The following WDR75 variants were observed in gnomAD, a reference collection of about 807,000 sequenced individuals.
WDR75 encodes WD repeat-containing protein 75.
Under a neutral mutation model 106.1 loss-of-function variants are expected in WDR75, and 52 were observed. That is an observed-to-expected ratio of 0.49 (90% CI 0.39 to 0.62). WDR75 has a LOEUF of 0.62. WDR75 is among the 20% of genes least tolerant of loss of function. The pLI, the probability that WDR75 is intolerant of heterozygous loss-of-function variation, is 0.00. For missense variants in WDR75, 905 were observed against 970.3 expected (o/e 0.93, Z 0.89); for synonymous variants, 333 against 335.5 (o/e 0.99, Z 0.08).
chr2:189,462,710 CAG>C (rs778972871), intron 9 of WDR75, 68 bp downstream of exon 9: 1 of 1,477,538 alleles, frequency 6.8e-7, no homozygotes. Context: ...CTGTAGGGAA[CAG>C]AGAATAAAGA....
chr2:189,450,295 A>G (rs113812069), intron 2 of WDR75: 1 of 985,678 alleles, frequency 1.0e-6, no homozygotes, highest in Non-Finnish European at 1.2e-6. Context: ...AATAAAACTG[A>G]GTAAGCTGAG....
rs557685788 is a variant in WDR75 at position 189,468,933 on chromosome 2, T to C, written c.1723+364T>C. On this transcript the variant is annotated intron_variant, in intron 15 of 20. Coordinates refer to ENST00000314761, the MANE Select transcript of WDR75 (RefSeq NM_032168.3). Reference sequence around the variant, plus strand: ...CCTGACAGCTTAAATTCAAATGTAGTCTATCACAGTCCTAACAAATGTGAA... The same window carrying C: ...CCTGACAGCTTAAATTCAAATGTAGCCTATCACAGTCCTAACAAATGTGAA... Among the ~76,000 whole-genome samples, 71 of 152,302 alleles carry C rather than the reference T, an allele frequency of 4.7e-4. No individual in the cohort carries two copies. In the South Asian group the frequency reaches 8.5e-3, roughly 18 times the overall value.
chr2:189,444,888 T>C (rs1257279997), intron 1 of WDR75, among the ~76,000 whole-genome samples: 5 of 152,182 alleles, frequency 3.3e-5, no homozygotes, highest in Non-Finnish European at 1.5e-5. Context: ...CTCTTGCTTA[T>C]GTTGCTATTT....
At position 189,475,148 on chromosome 2, in the gene WDR75, A is replaced by C. The variant is rs987784934; in HGVS notation, c.2289-65A>C. 20 of 1,259,644 alleles carry C rather than the reference A, an allele frequency of 1.6e-5. No homozygotes were observed. In the African/African-American group the frequency reaches 2.7e-4, roughly 17 times the overall value. The allele number at this position is 1,259,644 out of a possible 1,614,324, so 78.0% of individuals were successfully genotyped here. A position where few individuals can be genotyped will look rare whatever the true frequency, so the allele number is the denominator to read the frequency against. On this transcript the variant is annotated intron_variant, in intron 20 of 20. Transcript: ENST00000314761. ...GTGATTATATTTCTACATAGGTGTC[A>C]AATTAGAAAGTTACTGTTTAGAAAC... is the stretch of plus-strand genomic sequence containing the variant.
intron 4 of WDR75, 33 bp downstream of exon 4, chr2:189,451,928 T>C: frequency 6.5e-7 from 1 of 1,527,578 alleles, no homozygotes; most frequent in Non-Finnish European, 9.0e-7. Context: ...TATATGGCAT[T>C]GAGTGGCTCT....
At chr2:189,443,203 T>C (rs1686424375) in intron 1 of WDR75, among the ~76,000 whole-genome samples, 1 of 152,186 alleles carries the variant, frequency 6.6e-6, no homozygotes, top group Non-Finnish European at 1.5e-5. Context: ...TAAGAAGAGA[T>C]TACTTCCCAA....
rs185978959 is a variant in WDR75 at position 189,450,506 on chromosome 2, G to A, written c.217-397G>A. The stretch of plus-strand genomic sequence containing the variant: ...CCACCACGCCTGGCTAATTTTTGTA[G>A]GGGTTTCGTCATGTTGGCCAGGCTG... On this transcript the variant is annotated intron_variant, in intron 2 of 20. Coordinates refer to ENST00000314761, the MANE Select transcript of WDR75 (RefSeq NM_032168.3). 5.8e-4 allele frequency: 525 copies of A among 899,622 alleles called. No homozygotes were observed. In the African/African-American group the frequency reaches 8.9e-3, roughly 15 times the overall value. 55.7% of individuals were successfully genotyped at this position (899,622 alleles called of 1,614,324 possible).
At chr2:189,458,677 T>G in intron 6 of WDR75, 76 bp from the exon 7 acceptor site, 1 of 1,288,564 alleles carries the variant, frequency 7.8e-7, no homozygotes. Context: ...TGCTGGGAAC[T>G]CTCTTTTACT....
In WDR75 at chr2:189,469,427, G is replaced by A; in HGVS notation, c.1807G>A (p.Val603Met). ...ENIAAISQSS[V>M]GSDLFVFKPS... is the part of the protein sequence containing the mutation. ...TATTGCTGCAATCTCTCAGTCTTCA[G>A]TGGGTTCAGACTGTAAGTACAAACC... The change falls in exon 16 of 21, where the codon GTG (valine) becomes ATG (methionine). Residue 603 changes from valine (V) to methionine (M), a missense_variant. Transcript: ENST00000314761. 2 of 1,612,292 alleles carry A rather than the reference G, an allele frequency of 1.2e-6. No individual in the cohort carries two copies. The highest frequency in any genetic ancestry group is 8.5e-7 in the Non-Finnish European group (1 of 1,178,532).
intron 4 of WDR75, 119 bp from the exon 5 acceptor site, chr2:189,455,201 A>G: frequency 8.1e-7 from 1 of 1,233,184 alleles, no homozygotes; most frequent in South Asian, 1.7e-5. Context: ...AGATCACGCC[A>G]CTGCACTCCA....
At chr2:189,466,091 G>C (rs566238765) in intron 12 of WDR75, among the ~76,000 whole-genome samples, 1 of 152,208 alleles carries the variant, frequency 6.6e-6, no homozygotes, top group African/African-American at 2.4e-5. Context: ...CAGGAATCTG[G>C]GTTCTATACA....
intron 12 of WDR75, 106 bp from the exon 13 acceptor site, chr2:189,466,319 G>A (rs1686998428): frequency 8.2e-7 from 1 of 1,213,722 alleles, no homozygotes; most frequent in African/African-American, 1.5e-5. Context: ...ATTATCAGTT[G>A]CCTGTTGTTC....
chr2:189,460,514 T>C (rs78962515), intron 8 of WDR75, among the ~76,000 whole-genome samples: 9,807 of 151,934 alleles, frequency 0.065, 491 homozygotes, highest in African/African-American at 0.14. Flanking sequence ...GCAGGGGTTT[T>C]TTTTTTTTTA....
At chr2:189,451,291 TAGTC>T (rs1192199194) in intron 3 of WDR75, among the ~76,000 whole-genome samples, 4 of 152,074 alleles carry the variant, frequency 2.6e-5, no homozygotes, top group Non-Finnish European at 5.9e-5. Flanking sequence ...GAAATACAAA[TAGTC>T]AATAAATATG....
intron 6 of WDR75, among the ~76,000 whole-genome samples, chr2:189,458,068 C>T (rs1353490421): frequency 2.0e-5 from 3 of 151,580 alleles, no homozygotes; most frequent in Non-Finnish European, 4.4e-5. Context: ...GGACTATAGG[C>T]GTCTGCCACC....
intron 5 of WDR75, 29 bp from the exon 6 acceptor site, chr2:189,457,282 G>A: frequency 7.0e-7 from 1 of 1,436,514 alleles, no homozygotes; most frequent in Non-Finnish European, 9.7e-7. Context: ...CTATTTTTGT[G>A]AATGTTTATC....
intron 1 of WDR75, among the ~76,000 whole-genome samples, chr2:189,441,975 C>T (rs1214847607): frequency 6.6e-6 from 1 of 152,192 alleles, no homozygotes; most frequent in Non-Finnish European, 1.5e-5. Context: ...CTACCCACTC[C>T]TCACTCCTGA....
chr2:189,475,127 TTA>T (rs758272816), intron 20 of WDR75, 84 bp from the exon 21 acceptor site: 1 of 1,030,238 alleles, frequency 9.7e-7, no homozygotes. Flanking sequence ...CTTTGTGTGA[TTA>T]TATTTCTACA....
chr2:189,442,764 G>A (rs1310740350), intron 1 of WDR75, among the ~76,000 whole-genome samples: 1 of 151,978 alleles, frequency 6.6e-6, no homozygotes, highest in Non-Finnish European at 1.5e-5. Context: ...ACAATATTCT[G>A]CATATGAGTG....
Sources: gnomAD v4.1 joint callset for allele counts (sites outside exome capture counted in the v4.1 genomes callset) on GRCh38, gnomAD v4.1.1 for gene constraint, MANE v1.5 for transcripts, NCBI Gene and HGNC (gene_info 2026-07-23, HGNC 2026-07-21) for gene names.